UIMC1: variants seen among roughly 807,000 people sequenced by gnomAD.
UIMC1 encodes BRCA1-A complex subunit RAP80.
Under a neutral mutation model 84.9 loss-of-function variants are expected in UIMC1, and 42 were observed. The ratio of observed to expected loss-of-function variants is 0.49; its 90% CI spans 0.39 to 0.64. UIMC1 has a LOEUF of 0.64. Among genes scored for constraint, UIMC1 ranks in the 30% least tolerant of loss-of-function variants. The pLI is 0.00. For missense variants in UIMC1, 825 were observed against 847.6 expected (o/e 0.97, Z 0.33); for synonymous variants, 281 against 293.0 (o/e 0.96, Z 0.42).
At chr5:176,977,635 C>A (rs1297364683) in intron 2 of UIMC1, among the ~76,000 whole-genome samples, 1 of 148,374 alleles carries the variant, frequency 6.7e-6, no homozygotes, top group Non-Finnish European at 1.5e-5. Flanking sequence ...AAAGGCCAGG[C>A]GCAGTGGCTC....
chr5:176,924,628 C>T (rs999173308), intron 10 of UIMC1, among the ~76,000 whole-genome samples: 3 of 151,912 alleles, frequency 2.0e-5, no homozygotes, highest in South Asian at 2.1e-4. Flanking sequence ...CTAACTCACA[C>T]CATACACAAA....
intron 2 of UIMC1, among the ~76,000 whole-genome samples, chr5:176,978,585 G>T (rs1770519343): frequency 6.6e-6 from 1 of 151,658 alleles, no homozygotes; most frequent in Admixed American, 6.6e-5. Context: ...ACTTTATAAA[G>T]CCAATGGCAC....
chr5:176,975,341 T>G, intron 3 of UIMC1, 55 bp downstream of exon 3: 3 of 1,528,950 alleles, frequency 2.0e-6, no homozygotes, highest in Non-Finnish European at 2.7e-6. Context: ...CCAAAATGTA[T>G]CAGTTCTATG....
chr5:176,911,522 G>T, intron 10 of UIMC1, 133 bp from the exon 11 acceptor site: 1 of 481,842 alleles, frequency 2.1e-6, no homozygotes, highest in Non-Finnish European at 3.3e-6. Context: ...TGTTTGGGAA[G>T]TCTCAATCTT....
chr5:177,017,641 T>C (rs1775700092), intron 1 of UIMC1, among the ~76,000 whole-genome samples: 1 of 151,484 alleles, frequency 6.6e-6, no homozygotes, highest in Non-Finnish European at 1.5e-5. Flanking sequence ...CAAAGTGCTA[T>C]GATTACAGGC....
At chr5:176,911,142 AAAGAAAAGAAAAGAAAAGAAAAGAAAAG>A (rs1382623241) in intron 11 of UIMC1, among the ~76,000 whole-genome samples, 141 bp downstream of exon 11, 2 of 71,302 alleles carry the variant, frequency 2.8e-5, no homozygotes, top group African/African-American at 1.1e-4. Flanking sequence ...AAAGAAAAGA[AAAGAAAAGAAAAGAAAAGAAAAGAAAAG>A]AAAAGAAAAT....
At chr5:176,925,098 A>G (rs1762230142) in intron 10 of UIMC1, among the ~76,000 whole-genome samples, 1 of 152,202 alleles carries the variant, frequency 6.6e-6, no homozygotes. Flanking sequence ...ATATTTGTAG[A>G]ACACACATTT....
At chr5:176,977,873 T>C (rs754424066) in intron 2 of UIMC1, among the ~76,000 whole-genome samples, 4 of 151,820 alleles carry the variant, frequency 2.6e-5, no homozygotes, top group Non-Finnish European at 5.9e-5. Context: ...ATCATGCCAT[T>C]GCACTCCAGC....
chr5:177,009,235 C>T (rs528853309), upstream of UIMC1, among the ~76,000 whole-genome samples: 8 of 152,046 alleles, frequency 5.3e-5, no homozygotes, highest in Admixed American at 5.2e-4. The surrounding 1 kb of genome is among the most constrained non-coding windows in gnomAD (Gnocchi z 4.3). Context: ...TCTCAAACTC[C>T]TGGGCACAAG....
chr5:176,998,264 G>A (rs1773919477), intron 1 of UIMC1, among the ~76,000 whole-genome samples: 1 of 151,886 alleles, frequency 6.6e-6, no homozygotes, highest in Non-Finnish European at 1.5e-5. Flanking sequence ...AGGAGTTCGA[G>A]ACCACCCTGG....
rs113697490 is a variant in UIMC1 at position 176,953,940 on chromosome 5, A to T, written c.1339+2019T>A. ...TTTTTTCAGATAATTTATATATATA[A>T]CTTCTAAATTATATATTTAAAAAGA... On this transcript the variant is annotated intron_variant, in intron 8 of 14. Coordinates refer to ENST00000511320, the MANE Select transcript of UIMC1 (RefSeq NM_001199298.2). Among the ~76,000 whole-genome samples the T allele has an allele frequency of 9.3e-3, 1,416 of 152,242 alleles. 24 individuals carry two copies. The highest frequency in any genetic ancestry group is 0.032 in the African/African-American group (1,326 of 41,546).
At chr5:176,948,151 T>C (rs557888261) in intron 9 of UIMC1, among the ~76,000 whole-genome samples, 1 of 152,338 alleles carries the variant, frequency 6.6e-6, no homozygotes, top group South Asian at 2.1e-4. Context: ...CCTCTGAGAA[T>C]AGGATATTTA....
chr5:177,003,750 G>A (rs1166172462), intron 1 of UIMC1, among the ~76,000 whole-genome samples: 1 of 152,130 alleles, frequency 6.6e-6, no homozygotes, highest in Admixed American at 6.5e-5. Context: ...ATGAGTATGG[G>A]GGAAGACTGG....
At chr5:176,999,085 A>C (rs1774068050) in intron 1 of UIMC1, among the ~76,000 whole-genome samples, 1 of 152,138 alleles carries the variant, frequency 6.6e-6, no homozygotes, top group African/African-American at 2.4e-5. Context: ...CCAGCTACTC[A>C]GGAGACTGAG....
chr5:177,018,890 T>C (rs1183866862), intron 1 of UIMC1, among the ~76,000 whole-genome samples: 1 of 152,200 alleles, frequency 6.6e-6, no homozygotes, highest in Non-Finnish European at 1.5e-5. Context: ...ACTTATATAC[T>C]CCACTCCCAG....
chr5:176,910,832 T>A (rs1158252405), intron 11 of UIMC1, among the ~76,000 whole-genome samples: 2 of 152,166 alleles, frequency 1.3e-5, no homozygotes, highest in Non-Finnish European at 2.9e-5. Context: ...GGCTCACGCC[T>A]GTAATCCCAG....
At chr5:176,913,009 C>G (rs1466675273) in intron 10 of UIMC1, among the ~76,000 whole-genome samples, 1 of 152,178 alleles carries the variant, frequency 6.6e-6, no homozygotes, top group Non-Finnish European at 1.5e-5. Flanking sequence ...TCACTTCCCC[C>G]TAGGGAAATC....
At position 176,943,355 on chromosome 5, in the gene UIMC1, C is replaced by G. The variant is rs772875031; in HGVS notation, c.1577G>C (p.Gly526Ala). The change falls in exon 10 of 15, where the codon GGT (glycine) becomes GCT (alanine). Residue 526 changes from glycine (G) to alanine (A), a missense_variant. Physicochemically the swap from Gly to Ala is moderately conservative, Grantham distance 60. Coordinates refer to ENST00000511320, the MANE Select transcript of UIMC1 (RefSeq NM_001199298.2). ...TTTACCTGTATCTTCCTCCATCAGA[C>G]CATTGCAGTACATGGCATGTCGTTC... ...KIERHAMYCN[G>A]LMEEDTVLTR... 1.2e-5 allele frequency: 19 copies of G among 1,613,904 alleles called. No individual in the cohort carries two copies. The East Asian group carries it at 3.6e-4, about 30-fold the overall frequency.
intron 1 of UIMC1, among the ~76,000 whole-genome samples, chr5:177,004,805 G>A (rs1056300157): frequency 6.6e-6 from 1 of 152,158 alleles, no homozygotes; most frequent in Non-Finnish European, 1.5e-5. Context: ...GACAGTCTGG[G>A]TACCAAACTT....
Sources: allele counts gnomAD v4.1 joint callset (sites outside exome capture counted in the v4.1 genomes callset), GRCh38; gene constraint gnomAD v4.1.1; non-coding constraint Gnocchi (gnomAD v3.1); transcripts MANE v1.5; gene names NCBI Gene and HGNC (gene_info 2026-07-23, HGNC 2026-07-21).